HNRNPK: variants seen among roughly 807,000 people sequenced by gnomAD.
HNRNPK encodes the protein heterogeneous nuclear ribonucleoprotein K, also known as dC-stretch binding protein.
HNRNPK carries 7 observed loss-of-function variants against 67.0 expected under a neutral mutation model. The ratio of observed to expected loss-of-function variants is 0.10; its 90% CI spans 0.06 to 0.20. The LOEUF is 0.20. HNRNPK is among the 10% of genes least tolerant of loss of function. The pLI, the probability that HNRNPK is intolerant of heterozygous loss-of-function variation, is 1.00. For missense variants in HNRNPK, 264 were observed against 606.5 expected (o/e 0.44, Z 5.93); for synonymous variants, 213 against 193.7 (o/e 1.10, Z -0.83).
In HNRNPK at chr9:83,971,866, A is replaced by G; in HGVS notation, c.953+16T>C. On this transcript the variant is annotated intron_variant, in intron 11 of 16. Coordinates refer to ENST00000376263, the MANE Select transcript of HNRNPK (RefSeq NM_031263.4). ...TGGGGGAAGAAAAAACAACAACAACAAAAAAAACAACTTACCCCCCTCTAG... is the reference window on the plus strand; with the variant it reads ...TGGGGGAAGAAAAAACAACAACAACGAAAAAAACAACTTACCCCCCTCTAG... 1 of 1,547,548 alleles carries G rather than the reference A, an allele frequency of 6.5e-7. No individual in the cohort carries two copies. Among genetic ancestry groups the G allele is most frequent in the Middle Eastern group, 1.8e-4 (1 of 5,706 alleles).
intron 6 of HNRNPK, among the ~76,000 whole-genome samples, chr9:83,975,219 G>A (rs1000731898): frequency 6.6e-6 from 1 of 152,168 alleles, no homozygotes; most frequent in Non-Finnish European, 1.5e-5. Flanking sequence ...GATTTACAAT[G>A]CGGCAAATAT....
chr9:83,969,297 C>T lies in HNRNPK; in HGVS notation c.*110G>A. On this transcript the variant is annotated 3_prime_UTR_variant, in exon 17 of 17. Transcript: ENST00000376263. ...AGCAGAGGAATGTTGGCTTTTTAAACAGAAGCAGATAAAAAAAAAAAGATG... is the reference window on the plus strand; with the variant it reads ...AGCAGAGGAATGTTGGCTTTTTAAATAGAAGCAGATAAAAAAAAAAAGATG... 1.3e-6 allele frequency: 1 copy of T among 766,080 alleles called. No homozygotes were observed. The highest frequency in any genetic ancestry group is 2.3e-6 in the Non-Finnish European group (1 of 430,742). The allele number at this position is 766,080 out of a possible 1,614,324, so 47.5% of individuals were successfully genotyped here. A position where few individuals can be genotyped will look rare whatever the true frequency, so the allele number is the denominator to read the frequency against.
At chr9:83,974,425 T>C (rs1956986215) in intron 7 of HNRNPK, 92 bp downstream of exon 7, 1 of 608,874 alleles carries the variant, frequency 1.6e-6, no homozygotes, top group South Asian at 2.0e-5. Context: ...ATATCCATTG[T>C]CTCTCCACCT....
In HNRNPK at chr9:83,971,553, C is replaced by G. The variant is rs1956842692; in HGVS notation, c.1008+119G>C. The G allele has an allele frequency of 4.5e-6, 4 of 893,976 alleles. No homozygotes were observed. The East Asian group carries it at 7.2e-5, about 16-fold the overall frequency. The allele number at this position is 893,976 out of a possible 1,614,324, so 55.4% of individuals were successfully genotyped here. On this transcript the variant is annotated intron_variant, in intron 12 of 16. Transcript: ENST00000376263. ...ATAACAGAATTATTTAACTAGTAAT[C>G]CAAACAAAATTTACTTGTAAGAAAA...
chr9:83,976,072 A>T (rs1201383052), intron 5 of HNRNPK, among the ~76,000 whole-genome samples: 1 of 152,166 alleles, frequency 6.6e-6, no homozygotes. Context: ...CAAAACAAAA[A>T]TTCCCACACC....
intron 4 of HNRNPK, 127 bp from the exon 5 acceptor site, chr9:83,977,178 T>C (rs1345792101): frequency 1.5e-6 from 1 of 680,230 alleles, no homozygotes; most frequent in Non-Finnish European, 2.6e-6. Context: ...TATTTGGGGT[T>C]GTAAAAACGA....
intron 7 of HNRNPK, 105 bp from the exon 8 acceptor site, chr9:83,974,078 T>C (rs1271332013): frequency 1.2e-5 from 8 of 672,686 alleles, no homozygotes; most frequent in Non-Finnish European, 2.0e-5. Context: ...TCTATATTAT[T>C]AAATAATGAG....
chr9:83,973,254 C>A, intron 9 of HNRNPK, 32 bp downstream of exon 9: 2 of 1,250,632 alleles, frequency 1.6e-6, no homozygotes, highest in East Asian at 2.3e-5. Context: ...TACTTTCCAG[C>A]AAAGAATACG....
In HNRNPK at chr9:83,972,997, T is replaced by A. The variant is rs202203225; in HGVS notation, c.517-25A>T. On this transcript the variant is annotated intron_variant, in intron 9 of 16. Transcript: ENST00000376263. ...TCTGTAGTAAGATCATAAAAAAAAA[T>A]AATAATAATTAGAAGAAAATTAGCT... 240 of 1,498,108 alleles carry A rather than the reference T, an allele frequency of 1.6e-4. No individual in the cohort carries two copies. The East Asian group carries it at 4.0e-3, about 25-fold the overall frequency. The allele number at this position is 1,498,108 out of a possible 1,614,324, so 92.8% of individuals were successfully genotyped here.
rs764709655 is a variant in HNRNPK, at chr9:83,971,708, G to T, written c.972C>A (p.Asp324Glu). Residue 324 changes from aspartate (D) to glutamate (E), a missense_variant, in exon 12 of 17, where the codon GAC (aspartate) becomes GAA (glutamate). By Grantham distance (45) the Asp-to-Glu change is conservative. This residue lies in a region of HNRNPK where 142 missense variants were observed against 256.5 expected (regional missense o/e 0.55). Coordinates refer to ENST00000376263, the MANE Select transcript of HNRNPK (RefSeq NM_031263.4). The stretch of plus-strand genomic sequence containing the variant: ...AACGGTCTCCAGGTCTCCCTCTTCT[G>T]TCATAGGCCATGAGGTCTCTGCAAG... ...PPRGGDLMAY[D>E]RRGRPGDRYD... The T allele has an allele frequency of 6.2e-7, 1 of 1,613,858 alleles. No homozygotes were observed. Among genetic ancestry groups the T allele is most frequent in the Non-Finnish European group, 8.5e-7 (1 of 1,179,732 alleles).
Position 83,972,275 on chromosome 9 carries a change from AATGT to A in HNRNPK, c.646-90_646-87del, listed in dbSNP as rs944505821. The A allele has an allele frequency of 3.0e-6, 3 of 993,492 alleles. No individual in the cohort carries two copies. The African/African-American group carries it at 4.9e-5, about 16-fold the overall frequency. 61.5% of individuals were successfully genotyped at this position (993,492 alleles called of 1,614,324 possible). A position where few individuals can be genotyped will look rare whatever the true frequency, so the allele number is the denominator to read the frequency against. On this transcript the variant is annotated intron_variant, in intron 10 of 16. Coordinates refer to ENST00000376263, the MANE Select transcript of HNRNPK (RefSeq NM_031263.4). ...TCCTTCTAACATCATCATCAAACAA[AATGT>A]AAGTCATTCCCCCATCAGGAGGTAC...
intron 1 of HNRNPK, 96 bp downstream of exon 1, chr9:83,980,056 CA>C: frequency 6.5e-6 from 1 of 152,742 alleles, no homozygotes; most frequent in Non-Finnish European, 1.5e-5. Flanking sequence ...GAGAAGCGGC[CA>C]AACACCAAAG....
Position 83,968,290 on chromosome 9 carries a change from T to C in HNRNPK, c.*1117A>G, listed in dbSNP as rs925082307. On this transcript the variant is annotated 3_prime_UTR_variant, in exon 17 of 17. Coordinates refer to ENST00000376263, the MANE Select transcript of HNRNPK (RefSeq NM_031263.4). ...TTTTTTCATCTTTTTTTTTTTTGAA[T>C]TGTACACAAACATTTCCTACATAAT... 2.0e-5 allele frequency: 3 copies of C among 152,284 alleles called. No individual in the cohort carries two copies. Among genetic ancestry groups the C allele is most frequent in the African/African-American group, 7.3e-5 (3 of 41,346 alleles). 9.4% of individuals were successfully genotyped at this position (152,284 alleles called of 1,614,324 possible).
At chr9:83,979,799 C>A (rs1469717775) in intron 1 of HNRNPK, among the ~76,000 whole-genome samples, 1 of 152,150 alleles carries the variant, frequency 6.6e-6, no homozygotes, top group Admixed American at 6.5e-5. Context: ...CCAGCTCCGA[C>A]CCCGGGCCGG....
rs115346013 is a variant in HNRNPK at position 83,970,233 on chromosome 9, G to A, written c.1290C>T (p.Ser430=). The part of the protein sequence containing the change: ...SIKIDEPLEG[S]EDRIITITGT... The stretch of plus-strand genomic sequence containing the variant: ...CTGTAATGGTAATGATCCGATCTTC[G>A]GATCCTTCTAAAGGCTCATCAATTT... Residue 430 remains serine, a synonymous_variant, in exon 16 of 17, where the codon TCC becomes TCT. Coordinates refer to ENST00000376263, the MANE Select transcript of HNRNPK (RefSeq NM_031263.4). The A allele has an allele frequency of 3.2e-5, 51 of 1,613,210 alleles. No homozygotes were observed. Among genetic ancestry groups the A allele is most frequent in the Admixed American group, 5.0e-5 (3 of 59,990 alleles).
At position 83,969,009 on chromosome 9, in the gene HNRNPK, A is replaced by G. The variant is rs571950932; in HGVS notation, c.*398T>C. 2 of 326,852 alleles carry G rather than the reference A, an allele frequency of 6.1e-6. No homozygotes were observed. Among genetic ancestry groups the G allele is most frequent in the Admixed American group, 9.2e-5 (2 of 21,854 alleles). 20.2% of individuals were successfully genotyped at this position (326,852 alleles called of 1,614,324 possible). A position where few individuals can be genotyped will look rare whatever the true frequency, so the allele number is the denominator to read the frequency against. Reference sequence around the variant, plus strand: ...AACAGATGCCAGGGACATGTGGACTATTGTTACTTTTCCTCCCTGTCCCAC... The same window carrying G: ...AACAGATGCCAGGGACATGTGGACTGTTGTTACTTTTCCTCCCTGTCCCAC... On this transcript the variant is annotated 3_prime_UTR_variant, in exon 17 of 17. Coordinates refer to ENST00000376263, the MANE Select transcript of HNRNPK (RefSeq NM_031263.4).
intron 3 of HNRNPK, 71 bp from the exon 4 acceptor site, chr9:83,977,857 GAC>G: frequency 1.1e-6 from 1 of 945,036 alleles, no homozygotes; most frequent in Non-Finnish European, 1.7e-6. Flanking sequence ...TGTTTCAAGA[GAC>G]TTGTTGCTAA....
rs531690949 is a variant in HNRNPK at position 83,971,484 on chromosome 9, C to T, written c.1009-128G>A. The T allele has an allele frequency of 8.8e-5, 71 of 804,446 alleles. 1 individual carries two copies. Among genetic ancestry groups the T allele is most frequent in the South Asian group, 5.9e-4 (38 of 64,008 alleles). The allele number at this position is 804,446 out of a possible 1,614,324, so 49.8% of individuals were successfully genotyped here. On this transcript the variant is annotated intron_variant, in intron 12 of 16. Transcript: ENST00000376263. The stretch of plus-strand genomic sequence containing the variant: ...CATATATAGGCAGCAATTTTGTAAT[C>T]GAGGGGAACAAAGCTCAATAAAGTC...
Position 83,971,375 on chromosome 9 carries a change from T to C in HNRNPK, c.1009-19A>G. 1 of 1,514,366 alleles carries C rather than the reference T, an allele frequency of 6.6e-7. No homozygotes were observed. The highest frequency in any genetic ancestry group is 9.2e-7 in the Non-Finnish European group (1 of 1,089,392). The allele number at this position is 1,514,366 out of a possible 1,614,324, so 93.8% of individuals were successfully genotyped here. A position where few individuals can be genotyped will look rare whatever the true frequency, so the allele number is the denominator to read the frequency against. On this transcript the variant is annotated intron_variant, in intron 12 of 16. Transcript: ENST00000376263. The stretch of plus-strand genomic sequence containing the variant: ...AACCAACCTGTTAGAGATAAAAACA[T>C]TAACATGAACCCGCATTGTATTTTG...
Sources: allele counts gnomAD v4.1 joint callset (sites outside exome capture counted in the v4.1 genomes callset), GRCh38; gene constraint gnomAD v4.1.1; regional missense constraint gnomAD v4.1.1; transcripts MANE v1.5; gene names NCBI Gene and HGNC (gene_info 2026-07-23, HGNC 2026-07-21).